Variants in KLHDC2 observed in about 807,000 individuals in gnomAD.
KLHDC2 encodes the protein kelch domain-containing protein 2.
In KLHDC2, 38 loss-of-function variants were observed where a neutral mutation model predicts 62.3. The observed-to-expected ratio is 0.61, with a 90% CI of 0.47 to 0.80. The LOEUF is 0.80. Ranked by LOEUF, KLHDC2 falls within the 30% of genes least tolerant of loss-of-function variation. The probability of loss-of-function intolerance (pLI) is 0.00; values close to 1 mark genes in which losing one functional copy is unlikely to be tolerated. For missense variants in KLHDC2, 430 were observed against 495.3 expected, an observed-to-expected ratio of 0.87 and a Z score of 1.25; for synonymous variants, 159 against 161.0, an observed-to-expected ratio of 0.99 and a Z score of 0.09.
intron 12 of KLHDC2, 65 bp from the exon 13 acceptor site, chr14:49,782,765 T>C: frequency 1.3e-6 from 2 of 1,554,208 alleles, no homozygotes; most frequent in Non-Finnish European, 1.7e-6. Context: ...TATGTAGTTT[T>C]TCAAGTGAAT....
At chr14:49,781,677 A>T (rs1180471202) in intron 10 of KLHDC2, among the ~76,000 whole-genome samples, 2 of 151,858 alleles carry the variant, frequency 1.3e-5, no homozygotes, top group Non-Finnish European at 2.9e-5. Flanking sequence ...AGCCTGGGTG[A>T]TAGAGCAAGA....
chr14:49,780,428 G>A, intron 9 of KLHDC2, 106 bp downstream of exon 9: 2 of 799,176 alleles, frequency 2.5e-6, no homozygotes, highest in Non-Finnish European at 4.2e-6. Flanking sequence ...AGGGTTGGTT[G>A]GAAGGTTTGA....
chr14:49,782,944 T>C lies in KLHDC2; in HGVS notation c.1212T>C (p.Ser404=), dbSNP rs775816397. The change falls in exon 13 of 13, where the codon TCT becomes TCC. Residue 404 remains serine (S), a synonymous_variant. Coordinates refer to ENST00000298307, the MANE Select transcript of KLHDC2 (RefSeq NM_014315.3). ...AGAGGTTTGGTAGTAACAACACTTCTGGATCTTAAGGCTTCATAAATAATG... is the reference window on the plus strand; with the variant it reads ...AGAGGTTTGGTAGTAACAACACTTCCGGATCTTAAGGCTTCATAAATAATG... ...VNQRFGSNNT[S]GS is the part of the protein sequence containing the mutation. The C allele has an allele frequency of 2.5e-6, 4 of 1,612,748 alleles. No individual in the cohort carries two copies. The highest frequency in any genetic ancestry group is 2.7e-5 in the African/African-American group (2 of 74,886).
At chr14:49,772,021 A>C (rs867430372) in intron 2 of KLHDC2, among the ~76,000 whole-genome samples, 4 of 152,212 alleles carry the variant, frequency 2.6e-5, no homozygotes, top group Non-Finnish European at 4.4e-5. Flanking sequence ...GGCTGCAAAG[A>C]AAAAAATGTA....
chr14:49,769,263 A>G (rs1889610275), intron 1 of KLHDC2, among the ~76,000 whole-genome samples: 1 of 152,210 alleles, frequency 6.6e-6, no homozygotes, highest in South Asian at 2.1e-4. Context: ...TACAGAGTGC[A>G]GCTCTTTGAC....
At chr14:49,782,221 C>G (rs999600723) in intron 10 of KLHDC2, 149 bp from the exon 11 acceptor site, 2 of 545,064 alleles carry the variant, frequency 3.7e-6, no homozygotes, top group South Asian at 5.6e-5. Flanking sequence ...GCTTTTGCTA[C>G]TTTCCCTTAA....
intron 10 of KLHDC2, chr14:49,782,145 AT>A: frequency 2.0e-6 from 1 of 501,688 alleles, no homozygotes; most frequent in Non-Finnish European, 3.5e-6. Context: ...CAAACTCCTC[AT>A]TGCATAAATG....
At chr14:49,782,174 A>AAAAT (rs1188169073) in intron 10 of KLHDC2, 196 bp from the exon 11 acceptor site, 1 of 525,616 alleles carries the variant, frequency 1.9e-6, no homozygotes, top group Non-Finnish European at 3.4e-6. Context: ...CCAGAGAGAG[A>AAAAT]AAATAATATC....
In KLHDC2 at chr14:49,783,957, A is replaced by T. The variant is rs1296238932; in HGVS notation, c.*1004A>T. 6.6e-6 allele frequency: 1 copy of T among 151,866 alleles called. No individual in the cohort carries two copies. Among genetic ancestry groups the T allele is most frequent in the Non-Finnish European group, 1.5e-5 (1 of 67,914 alleles). 9.4% of individuals were successfully genotyped at this position (151,866 alleles called of 1,614,324 possible). ...TTTAAACCCCTTGTAGCTGGCCTAT[A>T]ATATATATATATTAGATGTTATATA... is the stretch of plus-strand genomic sequence containing the variant. On this transcript the variant is annotated 3_prime_UTR_variant, in exon 13 of 13. Transcript: ENST00000298307.
rs2139815531 is a variant in KLHDC2, at chr14:49,785,663, G to A, written c.*2710G>A. Reference sequence around the variant, plus strand: ...CTGGAAGGCTCAGGCTGAGGCGGGTGGATCGCTTGAGCCCAGGAGTTCAAG... The same window carrying A: ...CTGGAAGGCTCAGGCTGAGGCGGGTAGATCGCTTGAGCCCAGGAGTTCAAG... On this transcript the variant is annotated 3_prime_UTR_variant, in exon 13 of 13. Transcript: ENST00000298307. The A allele has an allele frequency of 4.4e-6, 1 of 227,134 alleles. No individual in the cohort carries two copies. Among genetic ancestry groups the A allele is most frequent in the Admixed American group, 5.1e-5 (1 of 19,648 alleles). The allele number at this position is 227,134 out of a possible 1,614,324, so 14.1% of individuals were successfully genotyped here.
Position 49,768,623 on chromosome 14 carries a change from T to G in KLHDC2, c.153+2T>G, listed in dbSNP as rs1427157238. ...ATGTTCGTCTGGGGCGGCTACAAGG[T>G]CAGTGAGTGGCCGGGCCGCGACGGA... On this transcript the variant is annotated splice_donor_variant, in intron 1 of 12. Coordinates refer to ENST00000298307, the MANE Select transcript of KLHDC2 (RefSeq NM_014315.3). LOFTEE classifies it high-confidence loss of function. 3.8e-6 allele frequency: 6 copies of G among 1,586,200 alleles called. No homozygotes were observed. The highest frequency in any genetic ancestry group is 5.1e-6 in the Non-Finnish European group (6 of 1,168,202).
At position 49,780,723 on chromosome 14, in the gene KLHDC2, A is replaced by G; in HGVS notation, c.904A>G (p.Ile302Val). ...QPLSDAWTYC[I>V]SKNEWIQFNH... ...ATCAGGTGATGCCTGGACTTACTGCATCAGTAAAAATGAATGGATACAATT... is the reference window on the plus strand; with the variant it reads ...ATCAGGTGATGCCTGGACTTACTGCGTCAGTAAAAATGAATGGATACAATT... The change falls in exon 10 of 13, where the codon ATC becomes GTC. Residue 302 changes from isoleucine to valine, a missense_variant. Transcript: ENST00000298307. 6.8e-6 allele frequency: 11 copies of G among 1,609,238 alleles called. No individual in the cohort carries two copies. Among genetic ancestry groups the G allele is most frequent in the Non-Finnish European group, 9.4e-6 (11 of 1,175,536 alleles).
rs1471480463 is a variant in KLHDC2, at chr14:49,785,323, A to G, written c.*2370A>G. The stretch of plus-strand genomic sequence containing the variant: ...GTCAAAGAATCAAATAGGTTTTCCT[A>G]AAAAGGGAAAATAACAGTTACAAAG... On this transcript the variant is annotated 3_prime_UTR_variant, in exon 13 of 13. Coordinates refer to ENST00000298307, the MANE Select transcript of KLHDC2 (RefSeq NM_014315.3). 1.9e-6 allele frequency: 3 copies of G among 1,608,446 alleles called. No individual in the cohort carries two copies. Among genetic ancestry groups the G allele is most frequent in the Non-Finnish European group, 2.6e-6 (3 of 1,174,922 alleles).
chr14:49,773,176 A>C (rs1889698618), intron 2 of KLHDC2, among the ~76,000 whole-genome samples: 1 of 149,262 alleles, frequency 6.7e-6, no homozygotes, highest in South Asian at 2.1e-4. Flanking sequence ...CACTTTGGGA[A>C]GCCGAGGCAG....
intron 2 of KLHDC2, among the ~76,000 whole-genome samples, chr14:49,773,401 C>CAA (rs1451386603): frequency 1.1e-5 from 1 of 93,972 alleles, no homozygotes; most frequent in Non-Finnish European, 2.0e-5. Context: ...GCGAAAGAGT[C>CAA]AGACTCCATC....
At chr14:49,782,654 A>G in intron 12 of KLHDC2, 60 bp downstream of exon 12, 1 of 1,433,426 alleles carries the variant, frequency 7.0e-7, no homozygotes, top group Admixed American at 2.1e-5. Context: ...AAGACTTAGC[A>G]CTCTCGAAAA....
chr14:49,775,429 A>G (rs1229501434), intron 3 of KLHDC2, among the ~76,000 whole-genome samples: 3 of 152,212 alleles, frequency 2.0e-5, no homozygotes, highest in Non-Finnish European at 4.4e-5. Flanking sequence ...AGCACCTGCT[A>G]GAGAGATACA....
chr14:49,785,170 C>T lies in KLHDC2; in HGVS notation c.*2217C>T, dbSNP rs8009346. The T allele has an allele frequency of 0.99, 1,590,472 of 1,600,438 alleles. 790,795 individuals are homozygous for T. Among genetic ancestry groups the T allele is most frequent in the East Asian group, 1 (44,788 of 44,788 alleles). On this transcript the variant is annotated 3_prime_UTR_variant, in exon 13 of 13. Transcript: ENST00000298307. ...GGAATTACATGTGTTACTAAATAGA[C>T]GTTACAAAACAATTCACAAAAGCCA...
chr14:49,776,393 T>C (rs141117229), intron 3 of KLHDC2, among the ~76,000 whole-genome samples: 242 of 152,270 alleles, frequency 1.6e-3, no homozygotes, highest in African/African-American at 5.4e-3. Flanking sequence ...GTAAAAAATA[T>C]ATAGTGGTCA....
Sources: allele counts gnomAD v4.1 joint callset (sites outside exome capture counted in the v4.1 genomes callset), GRCh38; gene constraint gnomAD v4.1.1; transcripts MANE v1.5; gene names NCBI Gene and HGNC (gene_info 2026-07-23, HGNC 2026-07-21).